Variants in DLC1 observed in about 807,000 individuals in gnomAD.
The protein encoded by DLC1 is DLC1 Rho GTPase activating protein.
Under a neutral mutation model 140.3 loss-of-function variants are expected in DLC1, and 54 were observed. The ratio of observed to expected loss-of-function variants is 0.38; its 90% CI spans 0.31 to 0.48. DLC1 has a LOEUF of 0.48. Ranked by LOEUF, DLC1 falls within the 20% of genes least tolerant of loss-of-function variation. DLC1 has a pLI of 0.96. For missense variants in DLC1, 2,536 were observed against 1,907.0 expected (o/e 1.33, Z -6.14); for synonymous variants, 986 against 728.1 (o/e 1.35, Z -5.70).
chr8:13,406,231 G>A (rs1403663905), intron 2 of DLC1, among the ~76,000 whole-genome samples: 22 of 135,730 alleles, frequency 1.6e-4, no homozygotes, highest in Admixed American at 3.1e-4. Context: ...TGTTGGCCAG[G>A]CTGGTCTTGA....
chr8:13,430,920 A>G (rs1255358092), intron 2 of DLC1, among the ~76,000 whole-genome samples: 1 of 152,226 alleles, frequency 6.6e-6, no homozygotes, highest in African/African-American at 2.4e-5. Context: ...TAAAAGAGTT[A>G]TAACATGGCA....
At chr8:13,460,890 A>G (rs1245202911) in intron 2 of DLC1, among the ~76,000 whole-genome samples, 1 of 152,172 alleles carries the variant, frequency 6.6e-6, no homozygotes, top group Non-Finnish European at 1.5e-5. Context: ...TCACAGTGTG[A>G]GGGGAAAAAC....
intron 2 of DLC1, among the ~76,000 whole-genome samples, chr8:13,498,161 G>C (rs762797841): frequency 3.9e-5 from 6 of 152,170 alleles, no homozygotes; most frequent in Non-Finnish European, 8.8e-5. Context: ...AAAATGCAGG[G>C]TTTCTTCCAT....
At position 13,541,694 on chromosome 8, in the gene DLC1, C is replaced by T. The variant is rs1252982996; in HGVS notation, c.-125-41498G>A. ...CCTCCCGAGTAGCTGGGACTACAGGCGCCTGCCACCAAGCCTGGCTAATTT... is the reference window on the plus strand; with the variant it reads ...CCTCCCGAGTAGCTGGGACTACAGGTGCCTGCCACCAAGCCTGGCTAATTT... On this transcript the variant is annotated intron_variant, in intron 1 of 1. Transcript: ENST00000631382. Among the ~76,000 whole-genome samples the T allele has an allele frequency of 2.0e-5, 3 of 152,038 alleles. No individual in the cohort carries two copies. The East Asian group carries it at 5.8e-4, about 29-fold the overall frequency.
chr8:13,316,018 C>A (rs1586123143), intron 4 of DLC1, among the ~76,000 whole-genome samples: 1 of 152,258 alleles, frequency 6.6e-6, no homozygotes. Flanking sequence ...TAAACAGCCT[C>A]TCCTTCCCTG....
chr8:13,595,031 G>C (rs1805639348), intron 1 of DLC1, among the ~76,000 whole-genome samples: 1 of 151,564 alleles, frequency 6.6e-6, no homozygotes, highest in Non-Finnish European at 1.5e-5. Flanking sequence ...AAAAAAAAAA[G>C]TGGACTAGCC....
chr8:13,498,997 C>A, intron 2 of DLC1, 52 bp downstream of exon 2: 1 of 1,520,224 alleles, frequency 6.6e-7, no homozygotes. Flanking sequence ...CTGATAAATC[C>A]AAGGATATTT....
chr8:13,564,835 G>C (rs771753459), intron 1 of DLC1, among the ~76,000 whole-genome samples: 3 of 152,144 alleles, frequency 2.0e-5, no homozygotes, highest in Non-Finnish European at 4.4e-5. Flanking sequence ...ACAGTAACAG[G>C]AGGGGCATAG....
intron 1 of DLC1, among the ~76,000 whole-genome samples, chr8:13,569,231 C>A (rs376510941): frequency 3.9e-5 from 6 of 152,272 alleles, no homozygotes; most frequent in Admixed American, 2.6e-4. Flanking sequence ...GATCACTTTT[C>A]TACATGTCCA....
chr8:13,445,694 G>T (rs1338574655), intron 2 of DLC1, among the ~76,000 whole-genome samples: 1 of 152,116 alleles, frequency 6.6e-6, no homozygotes, highest in East Asian at 1.9e-4. Context: ...GTTTTTGAGT[G>T]ATATCATCCT....
At chr8:13,424,553 T>G (rs1425750319) in intron 2 of DLC1, among the ~76,000 whole-genome samples, 2 of 152,042 alleles carry the variant, frequency 1.3e-5, no homozygotes, top group East Asian at 1.9e-4. Context: ...ATCTTCCTTG[T>G]GCTGTTGGTC....
chr8:13,406,531 A>G (rs1352026758), intron 2 of DLC1, among the ~76,000 whole-genome samples: 3 of 152,158 alleles, frequency 2.0e-5, no homozygotes, highest in Non-Finnish European at 4.4e-5. Flanking sequence ...ATTCCATGAA[A>G]CAGCCTTTCA....
chr8:13,126,545 T>A (rs73663605), intron 5 of DLC1, among the ~76,000 whole-genome samples: 1 of 152,198 alleles, frequency 6.6e-6, no homozygotes, highest in Non-Finnish European at 1.5e-5. Flanking sequence ...AAGAAAAGTA[T>A]CTAATTAATA....
At chr8:13,305,177 T>C in intron 5 of DLC1, 92 bp downstream of exon 5, 1 of 1,528,530 alleles carries the variant, frequency 6.5e-7, no homozygotes, top group Non-Finnish European at 8.8e-7. Flanking sequence ...ATGAGATGTA[T>C]ACATTTTATA....
intron 4 of DLC1, among the ~76,000 whole-genome samples, chr8:13,334,794 T>C (rs1833752534): frequency 6.6e-6 from 1 of 152,188 alleles, no homozygotes; most frequent in South Asian, 2.1e-4. Flanking sequence ...AATGAGATGC[T>C]TGTTAGATGT....
At chr8:13,544,569 G>A (rs1803593367) in intron 1 of DLC1, among the ~76,000 whole-genome samples, 2 of 152,128 alleles carry the variant, frequency 1.3e-5, no homozygotes. Flanking sequence ...GAAAAGTGTA[G>A]CAGCTGGGGC....
At chr8:13,092,246 A>G (rs77789564) in intron 13 of DLC1, among the ~76,000 whole-genome samples, 1,567 of 152,336 alleles carry the variant, frequency 0.01, 21 homozygotes, top group East Asian at 0.046. Flanking sequence ...CTCTGTCTCA[A>G]AAGGAACTAT....
At chr8:13,330,035 G>A (rs1027549969) in intron 4 of DLC1, among the ~76,000 whole-genome samples, 23 of 152,136 alleles carry the variant, frequency 1.5e-4, no homozygotes, top group African/African-American at 5.3e-4. Context: ...CATGATCGTA[G>A]CTCACTGCAG....
intron 2 of DLC1, 149 bp from the exon 3 acceptor site, chr8:13,401,768 G>T: frequency 2.0e-6 from 2 of 978,294 alleles, no homozygotes; most frequent in Non-Finnish European, 2.9e-6. Context: ...TCATCAATGG[G>T]CTCTTCATTG....
Sources: allele counts gnomAD v4.1 joint callset (sites outside exome capture counted in the v4.1 genomes callset), GRCh38; gene constraint gnomAD v4.1.1; transcripts MANE v1.5; gene names NCBI Gene and HGNC (gene_info 2026-07-23, HGNC 2026-07-21).